Variants in SHFL observed in about 807,000 individuals in gnomAD.
SHFL encodes the protein shiftless antiviral inhibitor of ribosomal frameshifting protein.
SHFL carries 12 observed loss-of-function variants against 34.7 expected under a neutral mutation model. That is an observed-to-expected ratio of 0.35 (90% CI 0.22 to 0.56). SHFL has a LOEUF of 0.56. Ranked by LOEUF, SHFL falls within the 20% of genes least tolerant of loss-of-function variation. The pLI is 0.88. For synonymous variants in SHFL, 148 were observed against 156.0 expected, an observed-to-expected ratio of 0.95 and a Z score of 0.38; for missense variants, 278 against 411.1, an observed-to-expected ratio of 0.68 and a Z score of 2.80.
chr19:10,086,548 C>T lies in SHFL; in HGVS notation c.21+100C>T, dbSNP rs1250285321. On this transcript the variant is annotated intron_variant, in intron 1 of 7. Coordinates refer to ENST00000253110, the MANE Select transcript of SHFL (RefSeq NM_018381.4). The surrounding 1 kb of genome is among the most constrained non-coding windows in gnomAD (Gnocchi z 5.2). Reference sequence around the variant, plus strand: ...CTTCGCAGTTCCTGGGGACCCCCATCCTAGAACCCCAGATCCTTACCCCTG... The same window carrying T: ...CTTCGCAGTTCCTGGGGACCCCCATTCTAGAACCCCAGATCCTTACCCCTG... The T allele has an allele frequency of 5.3e-6, 6 of 1,133,148 alleles. No individual in the cohort carries two copies. The allele number at this position is 1,133,148 out of a possible 1,614,324, so 70.2% of individuals were successfully genotyped here.
Position 10,086,654 on chromosome 19 carries a change from G to T in SHFL, c.21+206G>T. ...AATGAGGCCTCCCCGAGGAAAAGCGGGGGCTGCAGGGTCAAAGGTCAGAGG... is the reference window on the plus strand; with the variant it reads ...AATGAGGCCTCCCCGAGGAAAAGCGTGGGCTGCAGGGTCAAAGGTCAGAGG... On this transcript the variant is annotated intron_variant, in intron 1 of 7. Transcript: ENST00000253110. The surrounding 1 kb of genome is among the most constrained non-coding windows in gnomAD (Gnocchi z 5.2). 1.8e-6 allele frequency: 1 copy of T among 558,960 alleles called. No homozygotes were observed. The highest frequency in any genetic ancestry group is 3.0e-6 in the Non-Finnish European group (1 of 337,012). The allele number at this position is 558,960 out of a possible 1,614,324, so 34.6% of individuals were successfully genotyped here.
In SHFL at chr19:10,092,257, G is replaced by A; in HGVS notation, c.831G>A (p.Glu277=). 1 of 1,605,514 alleles carries A rather than the reference G, an allele frequency of 6.2e-7. No individual in the cohort carries two copies. Among genetic ancestry groups the A allele is most frequent in the Non-Finnish European group, 8.5e-7 (1 of 1,175,884 alleles). Residue 277 remains glutamate (E), a synonymous_variant, in exon 8 of 8, where the codon GAG becomes GAA. Coordinates refer to ENST00000253110, the MANE Select transcript of SHFL (RefSeq NM_018381.4). ...TGGAGGACCTGAAGGAGGAGGAGGA[G>A]GAAGAGGAGGAGGTGGAGGACGAGG... The part of the protein sequence containing the change: ...LILEDLKEEE[E]EEEEVEDEEG...
rs560245710 is a variant in SHFL, at chr19:10,088,052, G to C, written c.195+752G>C. On this transcript the variant is annotated intron_variant, in intron 3 of 7. Transcript: ENST00000253110. ...GAGGCGGGCGGATCACCTGAGGTCG[G>C]GAGTTTGAGACCAGCCTGACCAACA... 4.8e-5 allele frequency: 7 copies of C among 146,282 alleles called. No homozygotes were observed. In the East Asian group the frequency reaches 1.4e-3, roughly 30 times the overall value. The allele number at this position is 146,282 out of a possible 1,614,324, so 9.1% of individuals were successfully genotyped here. A position where few individuals can be genotyped will look rare whatever the true frequency, so the allele number is the denominator to read the frequency against.
Position 10,092,599 on chromosome 19 carries a change from A to G in SHFL, c.*297A>G, listed in dbSNP as rs150323414. ...CAGAGGAACACAGAGTCACAGCTTC[A>G]GGGGCCGAATGAGCATGGCGGCCTT... On this transcript the variant is annotated 3_prime_UTR_variant, in exon 8 of 8. Transcript: ENST00000253110. 5.6e-6 allele frequency: 9 copies of G among 1,605,306 alleles called. No homozygotes were observed. The highest frequency in any genetic ancestry group is 1.1e-5 in the South Asian group (1 of 90,470).
In SHFL at chr19:10,091,328, T is replaced by C. The variant is rs772961412; in HGVS notation, c.463T>C (p.Cys155Arg). ...GATGTGGGGCCTGGCTGAGTTCCAC[T>C]GCCCGAAGTGTCGGCACAACTTCCG... ...DKMWGLAEFH[C>R]PKCRHNFRGW... Residue 155 changes from cysteine (C) to arginine (R), a missense_variant, in exon 6 of 8, where the codon TGC becomes CGC. Coordinates refer to ENST00000253110, the MANE Select transcript of SHFL (RefSeq NM_018381.4). The surrounding 1 kb of genome is among the most constrained non-coding windows in gnomAD (Gnocchi z 8.2). 1.9e-6 allele frequency: 3 copies of C among 1,613,682 alleles called. No individual in the cohort carries two copies. Among genetic ancestry groups the C allele is most frequent in the East Asian group, 2.2e-5 (1 of 44,896 alleles).
intron 7 of SHFL, 22 bp from the exon 8 acceptor site, chr19:10,092,048 T>TGCA: frequency 1.9e-6 from 3 of 1,613,534 alleles, no homozygotes; most frequent in Non-Finnish European, 2.5e-6. Context: ...GCCCCATGTC[T>TGCA]GCAGCACCTC....
Position 10,087,138 on chromosome 19 carries a change from C to G in SHFL, c.145+86C>G, listed in dbSNP as rs1477066680. 3 of 1,586,022 alleles carry G rather than the reference C, an allele frequency of 1.9e-6. No individual in the cohort carries two copies. In the African/African-American group the frequency reaches 4.0e-5, roughly 21 times the overall value. ...GTGGTCTAGGGAGAGGCGTTGAGAT[C>G]ACCTCCCCCGGAGGTCCCAGCCTTG... On this transcript the variant is annotated intron_variant, in intron 2 of 7. Coordinates refer to ENST00000253110, the MANE Select transcript of SHFL (RefSeq NM_018381.4).
Position 10,086,506 on chromosome 19 carries a change from G to C in SHFL, c.21+58G>C. 1 of 1,323,816 alleles carries C rather than the reference G, an allele frequency of 7.6e-7. No homozygotes were observed. Among genetic ancestry groups the C allele is most frequent in the Non-Finnish European group, 9.7e-7 (1 of 1,029,124 alleles). The allele number at this position is 1,323,816 out of a possible 1,614,324, so 82.0% of individuals were successfully genotyped here. ...CCGCGACAGACCCCGAGGAGCGGCC[G>C]GGAGGCGCGGAGGGGGCTTCGCAGT... On this transcript the variant is annotated intron_variant, in intron 1 of 7. Coordinates refer to ENST00000253110, the MANE Select transcript of SHFL (RefSeq NM_018381.4). This position sits in a 1 kb window ranked among gnomAD's most constrained non-coding sequence, Gnocchi z 5.2.
At chr19:10,089,175 C>A (rs1326221772) in intron 3 of SHFL, 1 of 815,968 alleles carries the variant, frequency 1.2e-6, no homozygotes, top group Non-Finnish European at 2.0e-6. Context: ...GAACCCTGGC[C>A]ACCTGGAGTC....
chr19:10,089,842 T>C, intron 4 of SHFL, 56 bp from the exon 5 acceptor site: 1 of 1,590,588 alleles, frequency 6.3e-7, no homozygotes, highest in Non-Finnish European at 8.6e-7. Context: ...GATGCTTATG[T>C]TGGTGCAGAA....
chr19:10,086,351 C>G lies in SHFL; in HGVS notation c.-77C>G, dbSNP rs1224141299. 1 of 1,235,890 alleles carries G rather than the reference C, an allele frequency of 8.1e-7. No individual in the cohort carries two copies. The highest frequency in any genetic ancestry group is 1.0e-6 in the Non-Finnish European group (1 of 975,216). The allele number at this position is 1,235,890 out of a possible 1,614,324, so 76.6% of individuals were successfully genotyped here. On this transcript the variant is annotated 5_prime_UTR_variant, in exon 1 of 8. Transcript: ENST00000253110. The surrounding 1 kb of genome is among the most constrained non-coding windows in gnomAD (Gnocchi z 5.2). ...CCCCCTGCCCTGCGCGGCTGCTGGA[C>G]CGACGGGCGCACCCAGGTAGGGGGG...
Position 10,092,233 on chromosome 19 carries a change from G to C in SHFL, c.807G>C (p.Leu269=). 1 of 1,612,732 alleles carries C rather than the reference G, an allele frequency of 6.2e-7. No individual in the cohort carries two copies. ...TGGAAGACCTGGACAACCTCATCCTGGAGGACCTGAAGGAGGAGGAGGAGG... is the reference window on the plus strand; with the variant it reads ...TGGAAGACCTGGACAACCTCATCCTCGAGGACCTGAAGGAGGAGGAGGAGG... ...GLLEDLDNLI[L]EDLKEEEEEE... Residue 269 remains leucine, a synonymous_variant, in exon 8 of 8, where the codon CTG becomes CTC. Transcript: ENST00000253110.
In SHFL at chr19:10,089,969, T is replaced by C. The variant is rs377455252; in HGVS notation, c.306T>C (p.Leu102=). 9 of 1,611,180 alleles carry C rather than the reference T, an allele frequency of 5.6e-6. No individual in the cohort carries two copies. Among genetic ancestry groups the C allele is most frequent in the African/African-American group, 5.3e-5 (4 of 74,834 alleles). The change falls in exon 5 of 8, where the codon CTT becomes CTC. Residue 102 remains leucine (L), a synonymous_variant. Transcript: ENST00000253110. ...TGTTTCAACGTGCCCAGGACGACCT[T>C]ATCCCTGCTGTGGACCGGCAGTTTG... is the stretch of plus-strand genomic sequence containing the variant. ...LRMFQRAQDD[L]IPAVDRQFAC... is the part of the protein sequence containing the mutation.
intron 3 of SHFL, 55 bp downstream of exon 3, chr19:10,087,355 G>C (rs763658576): frequency 1.2e-6 from 2 of 1,604,154 alleles, no homozygotes; most frequent in Non-Finnish European, 8.5e-7. Context: ...AGAGCAAGAG[G>C]GGGGACCCGA....
rs2088385635 is a variant in SHFL at position 10,091,438 on chromosome 19, C to T, written c.489-38C>T. On this transcript the variant is annotated intron_variant, in intron 6 of 7. Coordinates refer to ENST00000253110, the MANE Select transcript of SHFL (RefSeq NM_018381.4). This position sits in a 1 kb window ranked among gnomAD's most constrained non-coding sequence, Gnocchi z 8.2. ...CTGCCCTGGCCCCACCCTGGCCCAG[C>T]CTCGCCCTCGGACCCTCACAGCCCT... The T allele has an allele frequency of 6.5e-7, 1 of 1,543,430 alleles. No individual in the cohort carries two copies. The highest frequency in any genetic ancestry group is 8.8e-7 in the Non-Finnish European group (1 of 1,139,964).
chr19:10,089,766 A>G, intron 4 of SHFL, 71 bp downstream of exon 4: 3 of 1,559,446 alleles, frequency 1.9e-6, no homozygotes, highest in East Asian at 2.4e-5. Flanking sequence ...AAGGATGTCC[A>G]TTAGGGCAGG....
chr19:10,092,797 G>C lies in SHFL; in HGVS notation c.*495G>C. On this transcript the variant is annotated 3_prime_UTR_variant, in exon 8 of 8. Transcript: ENST00000253110. ...ACAGTTACCTGAGGGGAGAGAGAGAGTCCATGTCCTCTCACCAGAATAAAA... is the reference window on the plus strand; with the variant it reads ...ACAGTTACCTGAGGGGAGAGAGAGACTCCATGTCCTCTCACCAGAATAAAA... 6.4e-7 allele frequency: 1 copy of C among 1,572,000 alleles called. No homozygotes were observed. The highest frequency in any genetic ancestry group is 8.7e-7 in the Non-Finnish European group (1 of 1,152,606).
chr19:10,086,892 C>A lies in SHFL; in HGVS notation c.22-37C>A, dbSNP rs2088296525. The A allele has an allele frequency of 3.7e-6, 6 of 1,610,618 alleles. No individual in the cohort carries two copies. Among genetic ancestry groups the A allele is most frequent in the Non-Finnish European group, 4.2e-6 (5 of 1,178,094 alleles). ...GATGGGGGAGGGATGATCCCGTTTCCCCTTCCCCCACCGGAACCCCCCTGT... is the reference window on the plus strand; with the variant it reads ...GATGGGGGAGGGATGATCCCGTTTCACCTTCCCCCACCGGAACCCCCCTGT... On this transcript the variant is annotated intron_variant, in intron 1 of 7. Coordinates refer to ENST00000253110, the MANE Select transcript of SHFL (RefSeq NM_018381.4). This position sits in a 1 kb window ranked among gnomAD's most constrained non-coding sequence, Gnocchi z 5.2.
chr19:10,090,836 A>G (rs1466780235), intron 5 of SHFL, among the ~76,000 whole-genome samples: 1 of 151,476 alleles, frequency 6.6e-6, no homozygotes, highest in Non-Finnish European at 1.5e-5. Context: ...TGAGCCTGGG[A>G]GGTCGAGGCT....
Sources: allele counts gnomAD v4.1 joint callset (sites outside exome capture counted in the v4.1 genomes callset), GRCh38; gene constraint gnomAD v4.1.1; non-coding constraint Gnocchi (gnomAD v3.1); transcripts MANE v1.5; gene names NCBI Gene and HGNC (gene_info 2026-07-23, HGNC 2026-07-21).